The following SCD5 variants were observed in gnomAD, a reference collection of about 807,000 sequenced individuals.
The protein encoded by SCD5 is acyl-CoA-desaturase 4.
A neutral mutation model predicts 30.4 loss-of-function variants in SCD5; 20 were observed. The observed-to-expected ratio is 0.66, with a 90% CI of 0.46 to 0.96. The LOEUF (loss-of-function observed/expected upper bound fraction) is 0.96. Ranked by LOEUF, SCD5 falls within the 40% of genes least tolerant of loss-of-function variation. The probability of loss-of-function intolerance (pLI) is 0.00; values close to 1 mark genes in which losing one functional copy is unlikely to be tolerated. For missense variants in SCD5, 381 were observed against 443.3 expected (o/e 0.86, Z 1.26); for synonymous variants, 173 against 176.4 (o/e 0.98, Z 0.16).
chr4:82,730,284 C>CTA (rs1368277979), intron 1 of SCD5, among the ~76,000 whole-genome samples: 1 of 114,660 alleles, frequency 8.7e-6, no homozygotes, highest in Non-Finnish European at 1.7e-5. Flanking sequence ...GTTATATATA[C>CTA]TATATATAAA....
intron 2 of SCD5, among the ~76,000 whole-genome samples, chr4:82,681,145 G>T (rs1462929661): frequency 6.6e-6 from 1 of 152,182 alleles, no homozygotes; most frequent in East Asian, 1.9e-4. Flanking sequence ...CGTGTGGGAC[G>T]TACCCACTGC....
chr4:82,787,977 G>C (rs898625587), intron 1 of SCD5, among the ~76,000 whole-genome samples: 9 of 152,216 alleles, frequency 5.9e-5, no homozygotes, highest in African/African-American at 2.2e-4. Context: ...TTCGTGGTTA[G>C]AGTAAGCTGT....
At chr4:82,770,810 T>C (rs1274942928) in intron 1 of SCD5, among the ~76,000 whole-genome samples, 2 of 152,226 alleles carry the variant, frequency 1.3e-5, no homozygotes, top group South Asian at 4.1e-4. Flanking sequence ...CCTAACAGCA[T>C]CCATGAGCCA....
intron 3 of SCD5, among the ~76,000 whole-genome samples, chr4:82,653,661 G>T (rs1389038443): frequency 1.4e-5 from 2 of 145,206 alleles, no homozygotes; most frequent in Non-Finnish European, 3.0e-5. Flanking sequence ...TAGTTGGGCA[G>T]AATTTGAAAG....
chr4:82,636,758 C>G lies in SCD5; in HGVS notation c.635G>C (p.Trp212Ser), dbSNP rs761647882. The change falls in exon 4 of 5, where the codon TGG (tryptophan) becomes TCG (serine). Residue 212 changes from tryptophan (W) to serine (S), a missense_variant. Trp to Ser is a radical substitution (Grantham distance 177). Transcript: ENST00000319540. ...VVPTLVPWYIWGESLWNSYFL... is the reference protein window; with the variant it reads ...VVPTLVPWYISGESLWNSYFL... ...GTAGGAATTCCACAGACTCTCTCCCCAGATGTACCAGGGCACCAGCGTGGG... is the reference window on the plus strand; with the variant it reads ...GTAGGAATTCCACAGACTCTCTCCCGAGATGTACCAGGGCACCAGCGTGGG... The G allele has an allele frequency of 6.2e-7, 1 of 1,614,248 alleles. No homozygotes were observed. The highest frequency in any genetic ancestry group is 8.5e-7 in the Non-Finnish European group (1 of 1,180,040).
At chr4:82,657,600 A>G (rs1212599872) in intron 3 of SCD5, among the ~76,000 whole-genome samples, 1 of 152,180 alleles carries the variant, frequency 6.6e-6, no homozygotes, top group Non-Finnish European at 1.5e-5. Context: ...TTGGTTCCAT[A>G]TGAAATTTAA....
chr4:82,636,409 C>G (rs1447244291), intron 4 of SCD5, among the ~76,000 whole-genome samples, 182 bp downstream of exon 4: 2 of 151,702 alleles, frequency 1.3e-5, no homozygotes, highest in African/African-American at 4.8e-5. Context: ...CAAGATCGTG[C>G]CACTGCACTC....
At chr4:82,674,639 T>A (rs371586314) in intron 3 of SCD5, among the ~76,000 whole-genome samples, 1 of 152,114 alleles carries the variant, frequency 6.6e-6, no homozygotes, top group East Asian at 1.9e-4. Flanking sequence ...CCCAAAGGAG[T>A]TGAAAACCTA....
rs1553914392 is a variant in SCD5 at position 82,653,676 on chromosome 4, T to TGATA, written c.570-16857_570-16854dup. Reference sequence around the variant, plus strand: ...TAGTTGGGCAGAATTTGAAAGTCAATGATAGATAGATAGATAGATAGATAG... The same window carrying TGATA: ...TAGTTGGGCAGAATTTGAAAGTCAATGATAGATAGATAGATAGATAGATAGATAG... On this transcript the variant is annotated intron_variant, in intron 3 of 4. Coordinates refer to ENST00000319540, the MANE Select transcript of SCD5 (RefSeq NM_001037582.3). 7.4e-3 allele frequency among the ~76,000 whole-genome samples: 1,017 copies of TGATA among 136,666 alleles called. 12 individuals carry two copies. Among genetic ancestry groups the TGATA allele is most frequent in the South Asian group, 0.035 (141 of 4,084 alleles). The allele number at this position is 136,666 out of a possible 152,430, so 89.7% of individuals were successfully genotyped here. A position where few individuals can be genotyped will look rare whatever the true frequency, so the allele number is the denominator to read the frequency against.
chr4:82,653,007 C>T (rs967414374), intron 3 of SCD5, among the ~76,000 whole-genome samples: 7 of 152,024 alleles, frequency 4.6e-5, no homozygotes, highest in Non-Finnish European at 7.4e-5. Context: ...CAAAAATTAG[C>T]TTGGGTATGG....
chr4:82,740,273 G>C (rs1190656222), intron 1 of SCD5, among the ~76,000 whole-genome samples: 2 of 152,226 alleles, frequency 1.3e-5, no homozygotes, highest in Non-Finnish European at 2.9e-5. Context: ...CCTGGAACCT[G>C]AAGGCGAGGT....
chr4:82,724,739 A>G (rs1209625222), intron 1 of SCD5, among the ~76,000 whole-genome samples: 1 of 152,238 alleles, frequency 6.6e-6, no homozygotes, highest in Non-Finnish European at 1.5e-5. Context: ...GAGAAATGTC[A>G]AGTGCTTGGT....
chr4:82,708,798 T>C (rs1190413317), intron 1 of SCD5, among the ~76,000 whole-genome samples: 2 of 152,182 alleles, frequency 1.3e-5, no homozygotes, highest in African/African-American at 4.8e-5. Context: ...GAGAAAGAGA[T>C]GGACAGCCCC....
At chr4:82,762,003 T>A (rs1282111217) in intron 1 of SCD5, among the ~76,000 whole-genome samples, 1 of 151,366 alleles carries the variant, frequency 6.6e-6, no homozygotes, top group Non-Finnish European at 1.5e-5. Context: ...CAAGACCCCA[T>A]CTCTACAAAA....
rs80300922 is a variant in SCD5, at chr4:82,715,377, C to A, written c.233-9964G>T. ...CTGGCAGACACACACCCTCCCTTCT[C>A]ATGCTGCTCTGTGCCCCAGGAGGCC... On this transcript the variant is annotated intron_variant, in intron 1 of 4. Transcript: ENST00000319540. 3.0e-3 allele frequency among the ~76,000 whole-genome samples: 451 copies of A among 151,764 alleles called. 16 individuals are homozygous for A. In the East Asian group the frequency reaches 0.074, roughly 25 times the overall value.
intron 1 of SCD5, chr4:82,753,484 T>C (rs770455386): frequency 1.3e-5 from 6 of 476,542 alleles, no homozygotes; most frequent in East Asian, 6.7e-5. Flanking sequence ...CTGACAGTGA[T>C]AGTGTCCATT....
At chr4:82,740,086 G>A (rs1720841480) in intron 1 of SCD5, among the ~76,000 whole-genome samples, 2 of 152,138 alleles carry the variant, frequency 1.3e-5, no homozygotes, top group South Asian at 4.2e-4. Flanking sequence ...GGGAAACACA[G>A]GTCCTTTCAA....
chr4:82,711,356 G>T (rs1333083484), intron 1 of SCD5, among the ~76,000 whole-genome samples: 1 of 151,250 alleles, frequency 6.6e-6, no homozygotes, highest in Non-Finnish European at 1.5e-5. Flanking sequence ...GGTGTTACTG[G>T]CATCTAGTGG....
intron 3 of SCD5, chr4:82,660,800 C>G: frequency 6.2e-7 from 1 of 1,604,322 alleles, no homozygotes. Context: ...TTAAAAAAGG[C>G]CTGGGTGTGG....
Sources: allele counts gnomAD v4.1 joint callset (sites outside exome capture counted in the v4.1 genomes callset), GRCh38; gene constraint gnomAD v4.1.1; transcripts MANE v1.5; gene names NCBI Gene and HGNC (gene_info 2026-07-23, HGNC 2026-07-21).